Variants in PARD3 observed in about 807,000 individuals in gnomAD.
PARD3 encodes par-3 family cell polarity regulator, also known as partitioning defective 3 homolog.
Under a neutral mutation model 155.4 loss-of-function variants are expected in PARD3, and 75 were observed. The ratio of observed to expected loss-of-function variants is 0.48; its 90% confidence interval spans 0.40 to 0.58. The LOEUF (loss-of-function observed/expected upper bound fraction) is 0.58. Ranked by LOEUF, PARD3 falls within the 20% of genes least tolerant of loss-of-function variation. The probability of loss-of-function intolerance (pLI) is 0.00; values close to 1 mark genes in which losing one functional copy is unlikely to be tolerated. For synonymous variants in PARD3, 576 were observed against 610.5 expected (o/e 0.94, Z 0.83); for missense variants, 1,642 against 1,721.7 (o/e 0.95, Z 0.82).
At position 34,119,735 on chromosome 10, in the gene PARD3, G is replaced by A. The variant is rs769589171; in HGVS notation, c.3546C>T (p.Asn1182=). ...GCCCGCTCTGCGTCGCCGGCCGTGC[G>A]TTCGGCTGGAAGAGGAAAATACAAG... is the stretch of plus-strand genomic sequence containing the variant. ...RTYSFEQPWP[N]ARPATQSGRH... is the part of the protein sequence containing the mutation. Residue 1182 remains asparagine (N), a synonymous_variant, in exon 24 of 25, where the codon AAC becomes AAT. Coordinates refer to ENST00000374788, the MANE Select transcript of PARD3 (RefSeq NM_001184785.2). 42 of 1,610,518 alleles carry A rather than the reference G, an allele frequency of 2.6e-5. No individual in the cohort carries two copies. Among genetic ancestry groups the A allele is most frequent in the South Asian group, 7.7e-5 (7 of 90,832 alleles).
At chr10:34,561,090 G>A (rs2085431701) in intron 2 of PARD3, among the ~76,000 whole-genome samples, 2 of 152,138 alleles carry the variant, frequency 1.3e-5, no homozygotes, top group Admixed American at 1.3e-4. Flanking sequence ...GAGAAGGGGA[G>A]AAGGGCCCAG....
intron 23 of PARD3, among the ~76,000 whole-genome samples, chr10:34,129,868 C>T (rs1375984590): frequency 6.7e-6 from 1 of 149,062 alleles, no homozygotes; most frequent in Non-Finnish European, 1.5e-5. Flanking sequence ...TGGGGTCTCC[C>T]TATGTTGCCC....
chr10:34,347,374 C>T (rs1460411459), intron 15 of PARD3, among the ~76,000 whole-genome samples: 2 of 152,180 alleles, frequency 1.3e-5, no homozygotes, highest in Non-Finnish European at 2.9e-5. Context: ...CACTGGGGGC[C>T]ATGCAGATAG....
chr10:34,251,394 C>G (rs1024188340), intron 22 of PARD3, among the ~76,000 whole-genome samples: 5 of 152,206 alleles, frequency 3.3e-5, no homozygotes, highest in Non-Finnish European at 7.4e-5. Flanking sequence ...ATTTATGGGA[C>G]TGCTCTGTGT....
intron 22 of PARD3, among the ~76,000 whole-genome samples, chr10:34,205,202 A>T (rs746563892): frequency 1.2e-4 from 18 of 152,338 alleles, no homozygotes; most frequent in Non-Finnish European, 2.5e-4. Context: ...ACTAAGAGAC[A>T]TCTGATGCTG....
chr10:34,679,701 C>G (rs752366257), intron 2 of PARD3, among the ~76,000 whole-genome samples: 4 of 152,166 alleles, frequency 2.6e-5, no homozygotes, highest in Non-Finnish European at 4.4e-5. Context: ...CAAAAGGCAA[C>G]AGGAACATCT....
In PARD3 at chr10:34,457,250, C is replaced by T. The variant is rs541710809; in HGVS notation, c.583-6802G>A. Among the ~76,000 whole-genome samples the T allele has an allele frequency of 9.2e-5, 14 of 152,262 alleles. No homozygotes were observed. The South Asian group carries it at 1.9e-3, about 20-fold the overall frequency. Reference sequence around the variant, plus strand: ...AGATGCAGGTCTGATCAAACTAAAACGGGCGCGGATTTCTCTGAAGCCACT... The same window carrying T: ...AGATGCAGGTCTGATCAAACTAAAATGGGCGCGGATTTCTCTGAAGCCACT... On this transcript the variant is annotated intron_variant, in intron 4 of 24. Coordinates refer to ENST00000374788, the MANE Select transcript of PARD3 (RefSeq NM_001184785.2).
At chr10:34,633,956 G>A (rs138782316) in intron 2 of PARD3, among the ~76,000 whole-genome samples, 11 of 152,184 alleles carry the variant, frequency 7.2e-5, no homozygotes, top group East Asian at 1.9e-4. Flanking sequence ...GGCCATTAGC[G>A]TCCATTTTAA....
At chr10:34,197,054 C>T (rs141626253) in intron 22 of PARD3, among the ~76,000 whole-genome samples, 379 of 152,270 alleles carry the variant, frequency 2.5e-3, no homozygotes, top group Non-Finnish European at 4.3e-3. Context: ...GCCTTCCCAT[C>T]TGCACCCACT....
chr10:34,111,326 T>G lies in PARD3; in HGVS notation c.3905A>C (p.Glu1302Ala), dbSNP rs761557808. 6.2e-7 allele frequency: 1 copy of G among 1,613,952 alleles called. No individual in the cohort carries two copies. The highest frequency in any genetic ancestry group is 1.7e-5 in the Admixed American group (1 of 60,012). ...ATACGAGTCATAGTTGCTGGGCCCC[T>G]CGGAAGGAGGCTGCTTCTTCATCTG... ...EQQMKKQPPS[E>A]GPSNYDSYKK... Residue 1302 changes from glutamate (E) to alanine (A), a missense_variant, in exon 25 of 25, where the codon GAG becomes GCG. Around this residue, in one of 3 missense-constraint regions of PARD3, gnomAD observed 1,529 missense variants for 1,587.3 expected, o/e 0.96. Transcript: ENST00000374788.
intron 22 of PARD3, among the ~76,000 whole-genome samples, chr10:34,219,158 C>T (rs989871049): frequency 5.9e-5 from 9 of 152,084 alleles, no homozygotes; most frequent in Non-Finnish European, 1.2e-4. Flanking sequence ...ATCTAGTAAC[C>T]CATTTTCTGG....
rs568579064 is a variant in PARD3 at position 34,316,222 on chromosome 10, A to C, written c.3065+885T>G. ...TTTTCAATTTTAAACCATCACCTTG[A>C]TATGTTTAGGGGTTTAATTTATGGA... On this transcript the variant is annotated intron_variant, in intron 20 of 24. Transcript: ENST00000374788. Among the ~76,000 whole-genome samples the C allele has an allele frequency of 1.1e-4, 17 of 152,302 alleles. No individual in the cohort carries two copies. In the South Asian group the frequency reaches 3.3e-3, roughly 30 times the overall value.
At chr10:34,513,346 C>T (rs1319735044) in intron 3 of PARD3, among the ~76,000 whole-genome samples, 1 of 152,186 alleles carries the variant, frequency 6.6e-6, no homozygotes, top group African/African-American at 2.4e-5. Context: ...AGGGCATGAT[C>T]TCGGCTCACT....
chr10:34,355,284 T>C (rs1838671285), intron 14 of PARD3, among the ~76,000 whole-genome samples: 1 of 152,024 alleles, frequency 6.6e-6, no homozygotes, highest in Non-Finnish European at 1.5e-5. Context: ...CCGGGGACTA[T>C]ACCACTGCAC....
intron 7 of PARD3, among the ~76,000 whole-genome samples, chr10:34,388,980 GA>G (rs1842619494): frequency 6.6e-6 from 1 of 152,100 alleles, no homozygotes; most frequent in Non-Finnish European, 1.5e-5. Flanking sequence ...ATGTGAAACA[GA>G]ACCTCCTCTA....
chr10:34,416,855 G>GT (rs1179191472), intron 5 of PARD3, among the ~76,000 whole-genome samples: 1 of 152,222 alleles, frequency 6.6e-6, no homozygotes, highest in African/African-American at 2.4e-5. Context: ...TTGCAAAATT[G>GT]TAACAATAGG....
rs191063335 is a variant in PARD3 at position 34,681,334 on chromosome 10, C to T, written c.222+14984G>A. Among the ~76,000 whole-genome samples, 6 of 151,950 alleles carry T rather than the reference C, an allele frequency of 3.9e-5. 1 individual carries two copies. Among genetic ancestry groups the T allele is most frequent in the Admixed American group, 2.0e-4 (3 of 15,252 alleles). On this transcript the variant is annotated intron_variant, in intron 2 of 24. Transcript: ENST00000374788. ...AAAAAGCAAATCTAGTCCTTCACAG[C>T]GACAGTTTGAGAAGTAATTAGTTGT...
chr10:34,568,164 T>C (rs1448070088), intron 2 of PARD3, among the ~76,000 whole-genome samples: 1 of 152,102 alleles, frequency 6.6e-6, no homozygotes, highest in African/African-American at 2.4e-5. Context: ...AGGGAATGAG[T>C]TTTAGGAACA....
At chr10:34,537,286 C>T (rs534662101) in intron 2 of PARD3, among the ~76,000 whole-genome samples, 9 of 152,338 alleles carry the variant, frequency 5.9e-5, no homozygotes, top group Admixed American at 1.3e-4. Context: ...TGAGCCACCA[C>T]GTCTGGCCCG....
Sources: allele counts gnomAD v4.1 joint callset (sites outside exome capture counted in the v4.1 genomes callset), GRCh38; gene constraint gnomAD v4.1.1; regional missense constraint gnomAD v4.1.1; transcripts MANE v1.5; gene names NCBI Gene and HGNC (gene_info 2026-07-23, HGNC 2026-07-21).